Variants in TENM3 observed in about 807,000 individuals in gnomAD.
TENM3 encodes the protein teneurin-3.
In TENM3, 63 loss-of-function variants were observed where a neutral mutation model predicts 255.1. The ratio of observed to expected loss-of-function variants is 0.25; its 90% CI spans 0.20 to 0.30. TENM3 has a LOEUF of 0.30. TENM3 is among the 10% of genes least tolerant of loss of function. The pLI, the probability that TENM3 is intolerant of heterozygous loss-of-function variation, is 1.00. For missense variants in TENM3, 2,929 were observed against 3,461.1 expected (o/e 0.85, Z 3.86); for synonymous variants, 1,306 against 1,322.3 (o/e 0.99, Z 0.27).
intron 3 of TENM3, among the ~76,000 whole-genome samples, chr4:182,438,750 C>T (rs1336422095): frequency 6.6e-6 from 1 of 152,196 alleles, no homozygotes; most frequent in Non-Finnish European, 1.5e-5. Context: ...GTTAAGGTGA[C>T]ATAGTGATAT....
At chr4:182,076,617 T>C in the TENM3 span, among the ~76,000 whole-genome samples, 2 of 152,226 alleles carry the variant, frequency 1.3e-5, no homozygotes, top group Admixed American at 1.3e-4. Flanking sequence ...CACTCTTCTA[T>C]GAAGCTTCTG....
chr4:181,965,983 G>A, the TENM3 span, among the ~76,000 whole-genome samples: 2 of 152,102 alleles, frequency 1.3e-5, no homozygotes, highest in Non-Finnish European at 2.9e-5. Context: ...GATGATTATT[G>A]CCTAGAGCCA....
At chr4:181,865,121 A>G in the TENM3 span, among the ~76,000 whole-genome samples, 4 of 152,362 alleles carry the variant, frequency 2.6e-5, no homozygotes, top group East Asian at 7.7e-4. Flanking sequence ...TGGAGCTTAC[A>G]GATAGAAAAA....
chr4:181,708,514 T>C, the TENM3 span, among the ~76,000 whole-genome samples: 1 of 152,030 alleles, frequency 6.6e-6, no homozygotes, highest in Non-Finnish European at 1.5e-5. Flanking sequence ...TTTGGGTTTC[T>C]GGGGGGTTGT....
the TENM3 span, among the ~76,000 whole-genome samples, chr4:181,889,592 G>A: frequency 6.6e-6 from 1 of 152,170 alleles, no homozygotes; most frequent in Non-Finnish European, 1.5e-5. Context: ...GAGAAGAGGT[G>A]TGAACAATTT....
chr4:181,657,982 C>T, the TENM3 span, among the ~76,000 whole-genome samples: 1 of 151,906 alleles, frequency 6.6e-6, no homozygotes, highest in African/African-American at 2.4e-5. Flanking sequence ...ACTGCGGACT[C>T]TAAAAGGAGG....
At chr4:181,547,124 A>G in the TENM3 span, among the ~76,000 whole-genome samples, 1 of 152,232 alleles carries the variant, frequency 6.6e-6, no homozygotes. Context: ...TGTGAAAGGC[A>G]GAAAAGCAGA....
At chr4:181,513,688 G>C in the TENM3 span, among the ~76,000 whole-genome samples, 1 of 152,132 alleles carries the variant, frequency 6.6e-6, no homozygotes, top group South Asian at 2.1e-4. Flanking sequence ...CAAAATATGA[G>C]CTTTTTATTG....
chr4:182,234,496 G>T (rs1025663322), intron 1 of TENM3, among the ~76,000 whole-genome samples: 5 of 152,308 alleles, frequency 3.3e-5, no homozygotes, highest in African/African-American at 1.2e-4. Context: ...ACTTTGAGGG[G>T]CCAAGGTGGG....
intron 4 of TENM3, among the ~76,000 whole-genome samples, chr4:182,608,685 G>A (rs1052309839): frequency 3.9e-5 from 6 of 152,154 alleles, no homozygotes; most frequent in Admixed American, 6.5e-5. Flanking sequence ...CTGCAGGCCC[G>A]GGTTTGGGGG....
At chr4:181,767,336 AC>A in the TENM3 span, among the ~76,000 whole-genome samples, 1 of 152,042 alleles carries the variant, frequency 6.6e-6, no homozygotes, top group Non-Finnish European at 1.5e-5. Flanking sequence ...GAAAGAAAAA[AC>A]AAAACCATCT....
the TENM3 span, among the ~76,000 whole-genome samples, chr4:181,600,534 C>A: frequency 1.4e-4 from 22 of 152,216 alleles, no homozygotes; most frequent in African/African-American, 4.6e-4. Flanking sequence ...TTCCCTAGCT[C>A]CTTGCATTTC....
chr4:181,695,182 A>G, the TENM3 span, among the ~76,000 whole-genome samples: 3 of 152,172 alleles, frequency 2.0e-5, no homozygotes, highest in East Asian at 1.9e-4. Flanking sequence ...TATTTGTACA[A>G]TTGATTATGT....
At chr4:182,205,761 G>C (rs1369911426) in intron 1 of TENM3, among the ~76,000 whole-genome samples, 1 of 152,258 alleles carries the variant, frequency 6.6e-6, no homozygotes, top group East Asian at 1.9e-4. Flanking sequence ...TCTTCCCCTT[G>C]TGGAAATTTT....
chr4:181,970,461 C>G, the TENM3 span, among the ~76,000 whole-genome samples: 1 of 152,136 alleles, frequency 6.6e-6, no homozygotes. Context: ...ACTCTTTTGT[C>G]TATCGTCTTG....
rs1226918336 is a variant in TENM3, at chr4:182,730,910, T to C, written c.2738T>C (p.Leu913Pro). The C allele has an allele frequency of 6.2e-7, 1 of 1,613,980 alleles. No homozygotes were observed. Among genetic ancestry groups the C allele is most frequent in the Non-Finnish European group, 8.5e-7 (1 of 1,179,864 alleles). Residue 913 changes from leucine (L) to proline (P), a missense_variant, in exon 16 of 28, where the codon CTA (leucine) becomes CCA (proline). By Grantham distance (98) the Leu-to-Pro change is moderately conservative. Coordinates refer to ENST00000511685, the MANE Select transcript of TENM3 (RefSeq NM_001080477.4). ...TTGGTGGCAAATGGTGGGGCCTCTC[T>C]AACTTTGGTATTTGAACGATCCCCA... is the stretch of plus-strand genomic sequence containing the variant. ...FDLVANGGAS[L>P]TLVFERSPFL...
chr4:181,617,781 G>A, the TENM3 span, among the ~76,000 whole-genome samples: 7 of 152,148 alleles, frequency 4.6e-5, no homozygotes, highest in African/African-American at 7.2e-5. Context: ...TGGGAATGTG[G>A]AATTACCATG....
chr4:181,548,667 T>A, the TENM3 span, among the ~76,000 whole-genome samples: 1 of 152,098 alleles, frequency 6.6e-6, no homozygotes, highest in Non-Finnish European at 1.5e-5. Context: ...GGAGATATAG[T>A]CAACCCTAGG....
the TENM3 span, among the ~76,000 whole-genome samples, chr4:181,706,045 C>G: frequency 6.6e-6 from 1 of 152,152 alleles, no homozygotes; most frequent in Admixed American, 6.5e-5. Context: ...TATTTTCTCA[C>G]CATCCTGGCA....
Sources: allele counts gnomAD v4.1 joint callset (sites outside exome capture counted in the v4.1 genomes callset), GRCh38; gene constraint gnomAD v4.1.1; transcripts MANE v1.5; gene names NCBI Gene and HGNC (gene_info 2026-07-23, HGNC 2026-07-21).